The following DENND2B variants were observed in gnomAD, a reference collection of about 807,000 sequenced individuals.
The protein encoded by DENND2B is DENN domain-containing protein 2B.
Under a neutral mutation model 116.0 loss-of-function variants are expected in DENND2B, and 32 were observed. The ratio of observed to expected loss-of-function variants is 0.28; its 90% CI spans 0.21 to 0.37. The LOEUF (loss-of-function observed/expected upper bound fraction) is 0.37, where lower values mean the gene tolerates loss of function less well. Ranked by LOEUF, DENND2B falls within the 10% of genes least tolerant of loss-of-function variation. DENND2B has a pLI of 1.00. For synonymous variants in DENND2B, 588 were observed against 583.9 expected (o/e 1.01, Z -0.10); for missense variants, 1,276 against 1,477.7 (o/e 0.86, Z 2.24).
chr11:8,724,067 A>G (rs1243832205), intron 4 of DENND2B, among the ~76,000 whole-genome samples: 2 of 152,278 alleles, frequency 1.3e-5, no homozygotes, highest in East Asian at 1.9e-4. Flanking sequence ...AGACCGAGGC[A>G]GGCGGATCAT....
chr11:8,850,669 C>T (rs2062973029), intron 3 of DENND2B, among the ~76,000 whole-genome samples: 1 of 152,182 alleles, frequency 6.6e-6, no homozygotes, highest in Non-Finnish European at 1.5e-5. Context: ...AATCTCACTA[C>T]TGAGCATATA....
At position 8,778,665 on chromosome 11, in the gene DENND2B, G is replaced by A. The variant is rs114821326; in HGVS notation, c.-25-27940C>T. Among the ~76,000 whole-genome samples the A allele has an allele frequency of 5.5e-3, 835 of 152,302 alleles. 8 individuals carry two copies. The highest frequency in any genetic ancestry group is 0.019 in the African/African-American group (772 of 41,578). On this transcript the variant is annotated intron_variant, in intron 1 of 19. Transcript: ENST00000313726. ...GTGTGCCTACAGCTCCCACGTACCC[G>A]GGGGCTGGGAGGCATGGTGCCAGTT...
intron 18 of DENND2B, chr11:8,695,770 T>G (rs2040247140): frequency 1.8e-6 from 1 of 567,372 alleles, no homozygotes; most frequent in Non-Finnish European, 3.2e-6. Context: ...TGCCTCCCCA[T>G]GCACATTCCC....
At chr11:8,796,223 C>G (rs1481488426) in intron 1 of DENND2B, among the ~76,000 whole-genome samples, 1 of 152,100 alleles carries the variant, frequency 6.6e-6, no homozygotes, top group African/African-American at 2.4e-5. Context: ...CTGATAGAAT[C>G]CAAACAGGAT....
chr11:8,754,445 A>AT (rs1464375666), intron 1 of DENND2B, among the ~76,000 whole-genome samples: 7 of 152,326 alleles, frequency 4.6e-5, no homozygotes, highest in African/African-American at 1.7e-4. Context: ...ACTGTAGAGA[A>AT]ATTGGAACTT....
Position 8,696,467 on chromosome 11 carries a change from G to A in DENND2B, c.3252C>T (p.Gly1084=), listed in dbSNP as rs2040377148. ...TTCTTAGCTCCCTGTCTTGGATGAA[G>A]CCAGCAAACATCTGAGACTCCATAA... ...EVFMESQMFA[G]FIQDRELRKC... is the part of the protein sequence containing the mutation. Residue 1084 remains glycine, a synonymous_variant, in exon 18 of 20, where the codon GGC becomes GGT. Coordinates refer to ENST00000313726, the MANE Select transcript of DENND2B (RefSeq NM_213618.2). 4.3e-6 allele frequency: 7 copies of A among 1,614,154 alleles called. No homozygotes were observed. The highest frequency in any genetic ancestry group is 5.9e-6 in the Non-Finnish European group (7 of 1,180,034).
At chr11:8,780,366 A>C (rs576899441) in intron 1 of DENND2B, among the ~76,000 whole-genome samples, 26 of 152,314 alleles carry the variant, frequency 1.7e-4, no homozygotes, top group Non-Finnish European at 2.4e-4. Flanking sequence ...AGAGAGATAC[A>C]ATGTTGAAGC....
intron 2 of DENND2B, among the ~76,000 whole-genome samples, chr11:8,865,331 T>C (rs563597262): frequency 2.0e-5 from 3 of 152,306 alleles, no homozygotes; most frequent in East Asian, 1.9e-4. Flanking sequence ...CAATTACTTA[T>C]GCTGATAGAA....
rs763676078 is a variant in DENND2B at position 8,726,079 on chromosome 11, T to C, written c.1471A>G (p.Ile491Val). 6.2e-6 allele frequency: 10 copies of C among 1,614,126 alleles called. No individual in the cohort carries two copies. Among genetic ancestry groups the C allele is most frequent in the Non-Finnish European group, 8.5e-6 (10 of 1,179,974 alleles). Residue 491 changes from isoleucine (I) to valine (V), a missense_variant, in exon 4 of 20, where the codon ATT becomes GTT. Physicochemically the swap from Ile to Val is conservative, Grantham distance 29. This residue lies in a region of DENND2B where 856 missense variants were observed against 846.6 expected (regional missense o/e 1.01). Transcript: ENST00000313726. ...CACCTCTGCCATTGCTTACCCACAA[T>C]ATCTTCATAGGCATTTTCTTCTAAA... The part of the protein sequence containing the change: ...STLEENAYED[I>V]VGDLPKENPY...
At chr11:8,830,608 C>T (rs1407895957) in intron 4 of DENND2B, 10 of 152,202 alleles carry the variant, frequency 6.6e-5, no homozygotes, top group Admixed American at 6.5e-4. Context: ...CTCTCCAGCC[C>T]TTGACAACTC....
intron 3 of DENND2B, among the ~76,000 whole-genome samples, chr11:8,852,145 G>A (rs1160945082): frequency 1.3e-5 from 2 of 152,206 alleles, no homozygotes; most frequent in African/African-American, 2.4e-5. Flanking sequence ...AGACTATCAA[G>A]TGCAAAAAAT....
intron 1 of DENND2B, among the ~76,000 whole-genome samples, chr11:8,895,948 T>C (rs901402534): frequency 6.6e-6 from 1 of 152,038 alleles, no homozygotes; most frequent in Admixed American, 6.6e-5. Flanking sequence ...TTTACCACAA[T>C]TTTAGAAATT....
intron 4 of DENND2B, among the ~76,000 whole-genome samples, chr11:8,838,058 G>A (rs552272069): frequency 3.9e-5 from 6 of 152,302 alleles, no homozygotes; most frequent in Admixed American, 3.9e-4. Flanking sequence ...AGTTATCCTC[G>A]TCAGAGAATT....
rs2061308812 is a variant in DENND2B, at chr11:8,810,656, C to G, written c.-165G>C. The G allele has an allele frequency of 2.0e-5, 3 of 152,306 alleles. No homozygotes were observed. The highest frequency in any genetic ancestry group is 2.0e-4 in the Admixed American group (3 of 15,284). 9.4% of individuals were successfully genotyped at this position (152,306 alleles called of 1,614,324 possible). ...AGCTCCTTCCTCTGACCTTTCGTGG[C>G]GCTCCTCGCAGCCAAGTGAGCAGAG... On this transcript the variant is annotated 5_prime_UTR_variant, in exon 1 of 20. Coordinates refer to ENST00000313726, the MANE Select transcript of DENND2B (RefSeq NM_213618.2).
At chr11:8,758,455 A>G (rs2053994759) in intron 1 of DENND2B, among the ~76,000 whole-genome samples, 1 of 151,826 alleles carries the variant, frequency 6.6e-6, no homozygotes, top group Non-Finnish European at 1.5e-5. Context: ...CCTGCCACCC[A>G]CCCTGATCCC....
At chr11:8,824,578 T>G (rs1022051922) in intron 4 of DENND2B, among the ~76,000 whole-genome samples, 2 of 152,232 alleles carry the variant, frequency 1.3e-5, no homozygotes, top group Non-Finnish European at 2.9e-5. Context: ...TATATGTACA[T>G]TTTCTTTAAC....
intron 2 of DENND2B, among the ~76,000 whole-genome samples, chr11:8,746,158 T>C (rs1394762548): frequency 1.1e-4 from 16 of 151,530 alleles, no homozygotes; most frequent in Non-Finnish European, 2.4e-4. Context: ...CCTGCAGCAC[T>C]ATCTTTTACC....
chr11:8,766,541 AG>A, intron 1 of DENND2B: 2 of 1,079,642 alleles, frequency 1.9e-6, no homozygotes, highest in South Asian at 1.4e-5. Flanking sequence ...CCAAAGAGAC[AG>A]GGAGCAATGG....
chr11:8,844,251 G>A (rs886840901), intron 3 of DENND2B, among the ~76,000 whole-genome samples: 1 of 151,594 alleles, frequency 6.6e-6, no homozygotes, highest in Non-Finnish European at 1.5e-5. Context: ...AAATCGAAAA[G>A]TTAGCCAAGT....
Sources: allele counts gnomAD v4.1 joint callset (sites outside exome capture counted in the v4.1 genomes callset), GRCh38; gene constraint gnomAD v4.1.1; regional missense constraint gnomAD v4.1.1; transcripts MANE v1.5; gene names NCBI Gene and HGNC (gene_info 2026-07-23, HGNC 2026-07-21).